Variants in SYNJ2 observed in about 807,000 individuals in gnomAD.
SYNJ2 encodes polyphosphatidylinositol phosphatase SYNJ2.
Under a neutral mutation model 141.3 loss-of-function variants are expected in SYNJ2, and 116 were observed. That is an observed-to-expected ratio of 0.82 (90% confidence interval 0.71 to 0.96). SYNJ2 has a LOEUF of 0.96. SYNJ2 is among the 40% of genes least tolerant of loss of function. The pLI, the probability that SYNJ2 is intolerant of heterozygous loss-of-function variation, is 0.00. For synonymous variants in SYNJ2, 745 were observed against 777.7 expected (o/e 0.96, Z 0.70); for missense variants, 1,873 against 1,934.8 (o/e 0.97, Z 0.60).
chr6:158,090,409 C>T (rs1783356745), intron 25 of SYNJ2, among the ~76,000 whole-genome samples: 1 of 152,206 alleles, frequency 6.6e-6, no homozygotes, highest in Non-Finnish European at 1.5e-5. Flanking sequence ...GTTACTTAAA[C>T]CATGTTAGTT....
intron 1 of SYNJ2, among the ~76,000 whole-genome samples, chr6:157,984,423 G>T (rs1197456026): frequency 6.6e-6 from 1 of 152,014 alleles, no homozygotes; most frequent in Non-Finnish European, 1.5e-5. Flanking sequence ...TTTTGAGATG[G>T]AGCTTCACTC....
upstream of SYNJ2, among the ~76,000 whole-genome samples, chr6:157,981,427 G>C (rs1167649498): frequency 2.0e-5 from 3 of 152,242 alleles, no homozygotes; most frequent in Non-Finnish European, 2.9e-5. This position sits in a 1 kb window ranked among gnomAD's most constrained non-coding sequence, Gnocchi z 6.4. Flanking sequence ...TCCCCGCAGG[G>C]AGACCGAGGC....
At chr6:158,088,622 C>T (rs1783234957) in intron 23 of SYNJ2, 38 bp from the exon 24 acceptor site, 1 of 1,519,702 alleles carries the variant, frequency 6.6e-7, no homozygotes. Flanking sequence ...GTTGTGCCTT[C>T]ACTGAGATTG....
intron 1 of SYNJ2, among the ~76,000 whole-genome samples, chr6:158,000,918 C>CA (rs1393284883): frequency 6.6e-6 from 1 of 152,114 alleles, no homozygotes; most frequent in African/African-American, 2.4e-5. Context: ...ATCTGGAATC[C>CA]ATCTTCCTCC....
At chr6:158,003,805 C>G (rs943120880) in intron 1 of SYNJ2, among the ~76,000 whole-genome samples, 5 of 152,008 alleles carry the variant, frequency 3.3e-5, no homozygotes, top group Non-Finnish European at 7.4e-5. Flanking sequence ...GTCTGACCCA[C>G]GGAGCTCTGT....
intron 1 of SYNJ2, among the ~76,000 whole-genome samples, chr6:158,014,543 T>C (rs1778377580): frequency 6.6e-6 from 1 of 152,214 alleles, no homozygotes; most frequent in South Asian, 2.1e-4. Flanking sequence ...TATTTTCAAG[T>C]TGTTGGCCTC....
rs1199941493 is a variant in SYNJ2, at chr6:158,074,694, C to A, written c.2248C>A (p.Leu750Ile). 2.5e-6 allele frequency: 4 copies of A among 1,613,916 alleles called. No individual in the cohort carries two copies. The highest frequency in any genetic ancestry group is 3.4e-6 in the Non-Finnish European group (4 of 1,179,972). The change falls in exon 16 of 27, where the codon CTT becomes ATT. Residue 750 changes from leucine to isoleucine, a missense_variant. By Grantham distance (5) the Leu-to-Ile change is conservative. Transcript: ENST00000355585. ...YFVKRQDWKKLLEFDQLQLQK... is the reference protein window; with the variant it reads ...YFVKRQDWKKILEFDQLQLQK... Reference sequence around the variant, plus strand: ...TGTTAAACGCCAAGACTGGAAGAAACTTCTGGAATTTGATCAACTACAGCT... The same window carrying A: ...TGTTAAACGCCAAGACTGGAAGAAAATTCTGGAATTTGATCAACTACAGCT...
rs772238958 is a variant in SYNJ2, at chr6:158,083,541, A to C, written c.2978A>C (p.Asn993Thr). Residue 993 changes from asparagine (N) to threonine (T), a missense_variant, in exon 21 of 27, where the codon AAC (asparagine) becomes ACC (threonine). Asn to Thr is a moderately conservative substitution (Grantham distance 65). Coordinates refer to ENST00000355585, the MANE Select transcript of SYNJ2 (RefSeq NM_003898.4). ...DSMAPVSPTA[N>T]SCLLEENFDF... ...ATGGCCCCCGTGTCTCCCACTGCCAACTCCTGTTTGCTGGAGGAAAACTTT... is the reference window on the plus strand; with the variant it reads ...ATGGCCCCCGTGTCTCCCACTGCCACCTCCTGTTTGCTGGAGGAAAACTTT... 6.1e-5 allele frequency: 99 copies of C among 1,614,062 alleles called. No individual in the cohort carries two copies. The highest frequency in any genetic ancestry group is 8.1e-5 in the Non-Finnish European group (96 of 1,180,020).
rs1221106735 is a variant in SYNJ2, at chr6:158,071,823, CCTCCCTGCTCAG to C, written c.2133+33_2133+44del. On this transcript the variant is annotated intron_variant, in intron 15 of 26. Coordinates refer to ENST00000355585, the MANE Select transcript of SYNJ2 (RefSeq NM_003898.4). The surrounding 1 kb of genome is among the most constrained non-coding windows in gnomAD (Gnocchi z 4.3). ...AGCGGCGCCGTGGGGACAGCCAGCA[CCTCCCTGCTCAG>C]CTCAGTCCCAAATGTGACTGTTGAT... is the stretch of plus-strand genomic sequence containing the variant. The C allele has an allele frequency of 3.7e-6, 6 of 1,604,850 alleles. No individual in the cohort carries two copies. The East Asian group carries it at 1.3e-4, about 36-fold the overall frequency.
intron 2 of SYNJ2, among the ~76,000 whole-genome samples, chr6:158,019,023 G>A (rs141255169): frequency 6.8e-4 from 103 of 152,360 alleles, no homozygotes; most frequent in African/African-American, 2.4e-3. Context: ...GGCTCCCGAG[G>A]CCACCTGTGC....
intron 1 of SYNJ2, among the ~76,000 whole-genome samples, chr6:158,016,674 C>G (rs1778471787): frequency 6.6e-6 from 1 of 152,124 alleles, no homozygotes; most frequent in Non-Finnish European, 1.5e-5. Flanking sequence ...TAGTACATGC[C>G]TTGGCTTGAG....
chr6:158,092,327 C>T (rs145097452), intron 25 of SYNJ2, among the ~76,000 whole-genome samples: 198 of 152,300 alleles, frequency 1.3e-3, no homozygotes, highest in Middle Eastern at 3.4e-3. Flanking sequence ...ATCACCACCC[C>T]TGCTAGGAAG....
chr6:158,093,817 A>G (rs1354822423), intron 26 of SYNJ2: 6 of 734,500 alleles, frequency 8.2e-6, no homozygotes, highest in African/African-American at 3.4e-5. Flanking sequence ...CAGATTCGCC[A>G]TGTTCACATG....
chr6:157,984,828 C>T (rs903038148), intron 1 of SYNJ2, among the ~76,000 whole-genome samples: 52 of 152,288 alleles, frequency 3.4e-4, no homozygotes, highest in African/African-American at 1.1e-3. Context: ...AGTTCCGAGT[C>T]GGGGGTAGCT....
At chr6:158,018,538 G>A (rs1778594159) in intron 2 of SYNJ2, among the ~76,000 whole-genome samples, 1 of 152,154 alleles carries the variant, frequency 6.6e-6, no homozygotes, top group African/African-American at 2.4e-5. Context: ...CGGTTACGTT[G>A]GCCATTCCTT....
chr6:158,023,257 C>T (rs1468165522), intron 2 of SYNJ2, among the ~76,000 whole-genome samples: 6 of 133,466 alleles, frequency 4.5e-5, no homozygotes, highest in African/African-American at 1.5e-4. Flanking sequence ...GAACCTGTCT[C>T]TAAATTTAAA....
Position 158,081,107 on chromosome 6 carries a change from A to G in SYNJ2, c.2568-2A>G. The G allele has an allele frequency of 6.2e-7, 1 of 1,613,734 alleles. No homozygotes were observed. The highest frequency in any genetic ancestry group is 8.5e-7 in the Non-Finnish European group (1 of 1,179,978). On this transcript the variant is annotated splice_acceptor_variant, in intron 18 of 26. Coordinates refer to ENST00000355585, the MANE Select transcript of SYNJ2 (RefSeq NM_003898.4). LOFTEE classifies it high-confidence loss of function. ...GTCATCCCTCTTTTGTTCCTAACGC[A>G]GACCTGTGCTGGCGATCGTGGAGGT...
chr6:158,054,894 G>A (rs1270062628), intron 5 of SYNJ2, 73 bp from the exon 6 acceptor site: 2 of 1,527,638 alleles, frequency 1.3e-6, no homozygotes, highest in African/African-American at 1.4e-5. Flanking sequence ...GTAAGAAGGA[G>A]AATGGGAAAA....
At chr6:157,989,063 A>G (rs2128314156) in intron 1 of SYNJ2, among the ~76,000 whole-genome samples, 1 of 152,258 alleles carries the variant, frequency 6.6e-6, no homozygotes, top group East Asian at 1.9e-4. Flanking sequence ...GGAGTGCTTA[A>G]TCCGCTATTC....
Sources: gnomAD v4.1 joint callset for allele counts (sites outside exome capture counted in the v4.1 genomes callset) on GRCh38, gnomAD v4.1.1 for gene constraint, Gnocchi (gnomAD v3.1) non-coding constraint, MANE v1.5 for transcripts, NCBI Gene and HGNC (gene_info 2026-07-23, HGNC 2026-07-21) for gene names.